Variants in TIAM1 observed in about 807,000 individuals in gnomAD.
The protein encoded by TIAM1 is TIAM Rac1 associated GEF 1.
TIAM1 carries 65 observed loss-of-function variants against 163.5 expected under a neutral mutation model. The observed-to-expected ratio is 0.40, with a 90% CI of 0.33 to 0.49. The LOEUF is 0.49. TIAM1 is among the 20% of genes least tolerant of loss of function. TIAM1 has a pLI of 0.77. For missense variants in TIAM1, 1,789 were observed against 2,044.7 expected, an observed-to-expected ratio of 0.87 and a Z score of 2.41; for synonymous variants, 833 against 810.1, an observed-to-expected ratio of 1.03 and a Z score of -0.48.
intron 5 of TIAM1, among the ~76,000 whole-genome samples, 164 bp from the exon 6 acceptor site, chr21:31,245,824 G>A (rs752199722): frequency 1.3e-5 from 2 of 152,174 alleles, no homozygotes; most frequent in Non-Finnish European, 2.9e-5. Context: ...AGTCTTGGAT[G>A]GGCCTAAAGA....
chr21:31,213,975 C>T (rs1162353933), intron 9 of TIAM1, among the ~76,000 whole-genome samples: 2 of 151,448 alleles, frequency 1.3e-5, no homozygotes, highest in African/African-American at 4.9e-5. Context: ...AAGATCACAT[C>T]ACTGAACTAC....
chr21:31,295,324 G>A (rs184897372), intron 2 of TIAM1, among the ~76,000 whole-genome samples: 2 of 152,182 alleles, frequency 1.3e-5, no homozygotes, highest in African/African-American at 4.8e-5. Flanking sequence ...CAAAAAATTA[G>A]TTGGGCGTGG....
chr21:31,322,059 A>C (rs2075334657), intron 2 of TIAM1, among the ~76,000 whole-genome samples: 1 of 152,128 alleles, frequency 6.6e-6, no homozygotes, highest in African/African-American at 2.4e-5. Context: ...ACAAAAAAAC[A>C]AAAAAACCAA....
rs760330753 is a variant in TIAM1, at chr21:31,341,177, T to C, written c.-368-1755A>G. 2.6e-5 allele frequency among the ~76,000 whole-genome samples: 4 copies of C among 152,276 alleles called. 1 individual carries two copies. The highest frequency in any genetic ancestry group is 1.5e-5 in the Non-Finnish European group (1 of 68,020). On this transcript the variant is annotated intron_variant, in intron 1 of 27. Transcript: ENST00000541036. ...TGCCTACTTTGTGCCAAACAAAGGA[T>C]AGAAACCTTACACGAATATTCATAA... is the stretch of plus-strand genomic sequence containing the variant.
At chr21:31,542,774 G>A (rs903275366) in intron 1 of TIAM1, among the ~76,000 whole-genome samples, 2 of 152,046 alleles carry the variant, frequency 1.3e-5, no homozygotes, top group African/African-American at 4.8e-5. Context: ...CAAGACCAAG[G>A]CCTGGTCAAC....
intron 1 of TIAM1, among the ~76,000 whole-genome samples, chr21:31,536,219 T>A (rs1025389458): frequency 6.6e-6 from 1 of 152,170 alleles, no homozygotes; most frequent in Non-Finnish European, 1.5e-5. Flanking sequence ...ATTTTCCCCA[T>A]GTGATAGACG....
In TIAM1 at chr21:31,252,009, C is replaced by G. The variant is rs759037691; in HGVS notation, c.1144G>C (p.Gly382Arg). The G allele has an allele frequency of 1.8e-5, 29 of 1,614,020 alleles. No individual in the cohort carries two copies. The East Asian group carries it at 3.1e-4, about 17-fold the overall frequency. The part of the protein sequence containing the change: ...SSSTGDAARQ[G>R]VYENFRRELE... ...TCCCGCCGGAAGTTCTCGTACACCC[C>G]CTGACGAGCCGCATCCCCGGTGGAG... is the stretch of plus-strand genomic sequence containing the variant. The change falls in exon 5 of 28, where the codon GGG becomes CGG. Residue 382 changes from glycine to arginine, a missense_variant. Gly to Arg is a moderately radical substitution (Grantham distance 125, BLOSUM62 -2). Coordinates refer to ENST00000541036, the MANE Select transcript of TIAM1 (RefSeq NM_001353694.2).
intron 8 of TIAM1, 66 bp downstream of exon 8, chr21:31,223,340 T>C: frequency 6.7e-7 from 1 of 1,498,598 alleles, no homozygotes; most frequent in South Asian, 1.4e-5. Flanking sequence ...GAGACTCTTG[T>C]CAAGTCCTGC....
At chr21:31,424,946 C>G (rs1242458594) in intron 2 of TIAM1, among the ~76,000 whole-genome samples, 1 of 151,574 alleles carries the variant, frequency 6.6e-6, no homozygotes, top group Admixed American at 6.6e-5. Context: ...CCAGCTACTA[C>G]AGAGGCTGAG....
At position 31,122,603 on chromosome 21, in the gene TIAM1, T is replaced by G. The variant is rs149112532; in HGVS notation, c.4307-1766A>C. Among the ~76,000 whole-genome samples the G allele has an allele frequency of 3.2e-3, 486 of 152,288 alleles. 3 individuals are homozygous for G. Among genetic ancestry groups the G allele is most frequent in the African/African-American group, 0.011 (466 of 41,574 alleles). ...TGAATTCTTTCAGCTCTTCTATAAG[T>G]TTAAACATTTTCATAAGAAAATAGA... is the stretch of plus-strand genomic sequence containing the variant. On this transcript the variant is annotated intron_variant, in intron 27 of 27. Transcript: ENST00000541036.
intron 1 of TIAM1, 83 bp from the exon 2 acceptor site, chr21:31,339,505 C>T: frequency 2.5e-6 from 1 of 397,894 alleles, no homozygotes; most frequent in Non-Finnish European, 4.4e-6. Flanking sequence ...TCCTCAGAAA[C>T]ATTAACGTGA....
At chr21:31,189,978 G>A (rs1209411391) in intron 13 of TIAM1, among the ~76,000 whole-genome samples, 1 of 152,112 alleles carries the variant, frequency 6.6e-6, no homozygotes, top group Non-Finnish European at 1.5e-5. Flanking sequence ...GCCAACAGGG[G>A]GCAGAGGGAA....
intron 3 of TIAM1, among the ~76,000 whole-genome samples, chr21:31,275,442 A>G (rs920892073): frequency 2.0e-5 from 3 of 152,146 alleles, no homozygotes; most frequent in Admixed American, 6.5e-5. Context: ...CCAAACTCTA[A>G]AACAGATGGC....
intron 2 of TIAM1, among the ~76,000 whole-genome samples, chr21:31,388,259 A>ACACACACACACAC (rs1555964695): frequency 0.028 from 2,725 of 98,076 alleles, 63 homozygotes; most frequent in Middle Eastern, 0.074. Flanking sequence ...ACACACACAC[A>ACACACACACACAC]ACCTCTTACG....
At chr21:31,333,160 C>T (rs1185398092) in intron 2 of TIAM1, among the ~76,000 whole-genome samples, 1 of 152,184 alleles carries the variant, frequency 6.6e-6, no homozygotes, top group Non-Finnish European at 1.5e-5. Context: ...GAAATCAGGA[C>T]CACAGAGGCT....
intron 1 of TIAM1, among the ~76,000 whole-genome samples, chr21:31,535,006 C>G (rs1230502471): frequency 6.6e-6 from 1 of 151,916 alleles, no homozygotes; most frequent in Non-Finnish European, 1.5e-5. Flanking sequence ...GAGAGGATCA[C>G]CTGAACCCAG....
At chr21:31,445,919 A>G (rs2147312371) in intron 2 of TIAM1, among the ~76,000 whole-genome samples, 1 of 151,948 alleles carries the variant, frequency 6.6e-6, no homozygotes, top group African/African-American at 2.4e-5. Context: ...TTTGAGGACT[A>G]TGTTTGTTTT....
chr21:31,305,668 C>T lies in TIAM1; in HGVS notation c.-188-28760G>A, dbSNP rs150951698. On this transcript the variant is annotated intron_variant, in intron 2 of 27. Coordinates refer to ENST00000541036, the MANE Select transcript of TIAM1 (RefSeq NM_001353694.2). ...AACTGGGGTTTTAACATGACTGAACCCCTCCTGAGTCTTTTAATAATTTGT... is the reference window on the plus strand; with the variant it reads ...AACTGGGGTTTTAACATGACTGAACTCCTCCTGAGTCTTTTAATAATTTGT... Among the ~76,000 whole-genome samples the T allele has an allele frequency of 2.6e-5, 4 of 152,246 alleles. No individual in the cohort carries two copies. The East Asian group carries it at 7.7e-4, about 29-fold the overall frequency.
chr21:31,436,847 A>T (rs2044226937), intron 2 of TIAM1, among the ~76,000 whole-genome samples: 1 of 151,870 alleles, frequency 6.6e-6, no homozygotes, highest in African/African-American at 2.4e-5. Flanking sequence ...GATCCCAGCT[A>T]CTCAGGAGGC....
Sources: gnomAD v4.1 joint callset for allele counts (sites outside exome capture counted in the v4.1 genomes callset) on GRCh38, gnomAD v4.1.1 for gene constraint, MANE v1.5 for transcripts, NCBI Gene and HGNC (gene_info 2026-07-23, HGNC 2026-07-21) for gene names.